TBC1D22A: variants seen among roughly 807,000 people sequenced by gnomAD.
The protein encoded by TBC1D22A is TBC1 domain family member 22A.
In TBC1D22A, 38 loss-of-function variants were observed where a neutral mutation model predicts 60.2. The ratio of observed to expected loss-of-function variants is 0.63; its 90% CI spans 0.49 to 0.83. The LOEUF (loss-of-function observed/expected upper bound fraction) is 0.83. TBC1D22A is among the 40% of genes least tolerant of loss of function. TBC1D22A has a pLI of 0.00. For missense variants in TBC1D22A, 628 were observed against 701.0 expected (o/e 0.90, Z 1.18); for synonymous variants, 302 against 281.7 (o/e 1.07, Z -0.72).
intron 8 of TBC1D22A, among the ~76,000 whole-genome samples, chr22:46,925,496 T>G (rs1569519): frequency 0.78 from 118,104 of 152,180 alleles, 45,963 homozygotes; most frequent in Middle Eastern, 0.85. Context: ...AAATAATTAG[T>G]GTAATGGACT....
chr22:46,856,674 A>G (rs111560752), intron 4 of TBC1D22A, among the ~76,000 whole-genome samples: 12,457 of 152,268 alleles, frequency 0.082, 694 homozygotes, highest in Non-Finnish European at 0.12. Context: ...GATTAGTTGC[A>G]GTTTGCCTTT....
At chr22:47,127,986 C>CA (rs1209282890) in intron 12 of TBC1D22A, among the ~76,000 whole-genome samples, 1 of 117,664 alleles carries the variant, frequency 8.5e-6, no homozygotes, top group Non-Finnish European at 1.8e-5. Flanking sequence ...ACCCATCCCC[C>CA]CATCCTCCCT....
intron 12 of TBC1D22A, among the ~76,000 whole-genome samples, chr22:47,162,869 C>T (rs12169043): frequency 0.17 from 24,221 of 145,534 alleles, 2,905 homozygotes; most frequent in African/African-American, 0.3. Flanking sequence ...GGCACTTCCT[C>T]GTGGTCTTGA....
chr22:46,957,616 A>C (rs2073272371), intron 8 of TBC1D22A, among the ~76,000 whole-genome samples: 1 of 152,190 alleles, frequency 6.6e-6, no homozygotes, highest in South Asian at 2.1e-4. Flanking sequence ...ACAGAACCAA[A>C]CCGTATCAAG....
chr22:47,097,075 G>A (rs2065210909), intron 11 of TBC1D22A, among the ~76,000 whole-genome samples: 1 of 152,040 alleles, frequency 6.6e-6, no homozygotes, highest in Non-Finnish European at 1.5e-5. Flanking sequence ...ATGGCCACGT[G>A]GCCTCCACAT....
chr22:47,040,977 C>T (rs988575233), intron 11 of TBC1D22A, among the ~76,000 whole-genome samples: 2 of 152,154 alleles, frequency 1.3e-5, no homozygotes, highest in African/African-American at 4.8e-5. Context: ...CGGTTACTTA[C>T]GCTGCTTTAG....
chr22:46,778,697 G>A (rs1218794162), intron 1 of TBC1D22A, among the ~76,000 whole-genome samples: 1 of 152,058 alleles, frequency 6.6e-6, no homozygotes, highest in Non-Finnish European at 1.5e-5. Context: ...AGCTTTTATT[G>A]TATTTTGTTT....
At position 46,990,259 on chromosome 22, in the gene TBC1D22A, C is replaced by T. The variant is rs949347712; in HGVS notation, c.1126-7375C>T. On this transcript the variant is annotated intron_variant, in intron 9 of 12. Transcript: ENST00000337137. The surrounding 1 kb of genome is among the most constrained non-coding windows in gnomAD (Gnocchi z 4.6). ...CGGTTGGGGTTTAGGTTGCCATTTTCCTATTTACTTTCATCTTTTCTTATT... is the reference window on the plus strand; with the variant it reads ...CGGTTGGGGTTTAGGTTGCCATTTTTCTATTTACTTTCATCTTTTCTTATT... Among the ~76,000 whole-genome samples, 3 of 152,140 alleles carry T rather than the reference C, an allele frequency of 2.0e-5. No homozygotes were observed. Among genetic ancestry groups the T allele is most frequent in the African/African-American group, 7.2e-5 (3 of 41,422 alleles).
At chr22:47,101,136 G>A (rs1015073349) in intron 11 of TBC1D22A, among the ~76,000 whole-genome samples, 1 of 152,176 alleles carries the variant, frequency 6.6e-6, no homozygotes, top group African/African-American at 2.4e-5. Context: ...GATTAAGAGA[G>A]GGGAATATTG....
chr22:47,085,257 G>T (rs532415653), intron 11 of TBC1D22A, among the ~76,000 whole-genome samples: 1 of 152,212 alleles, frequency 6.6e-6, no homozygotes. Context: ...TTTAGCCTGG[G>T]TGATAGAGCA....
At chr22:47,108,970 C>T (rs2065743708) in intron 11 of TBC1D22A, among the ~76,000 whole-genome samples, 1 of 152,240 alleles carries the variant, frequency 6.6e-6, no homozygotes, top group Non-Finnish European at 1.5e-5. Context: ...GCTGGAATTA[C>T]AGGCGTGAGC....
intron 11 of TBC1D22A, among the ~76,000 whole-genome samples, chr22:47,070,248 C>T (rs1288550340): frequency 2.7e-5 from 4 of 147,770 alleles, no homozygotes; most frequent in Middle Eastern, 3.7e-3. Flanking sequence ...CGGTTCCAGG[C>T]TGTTCCCTGT....
At chr22:46,809,710 G>T (rs1264771845) in intron 4 of TBC1D22A, among the ~76,000 whole-genome samples, 1 of 152,110 alleles carries the variant, frequency 6.6e-6, no homozygotes, top group Non-Finnish European at 1.5e-5. Flanking sequence ...GTAGAATGGG[G>T]TAATGTCAGA....
chr22:46,962,277 C>CA, intron 8 of TBC1D22A, among the ~76,000 whole-genome samples: 1 of 152,284 alleles, frequency 6.6e-6, no homozygotes, highest in African/African-American at 2.4e-5. Flanking sequence ...TAAACTTTAC[C>CA]AGACAATAAA....
chr22:46,992,588 G>A (rs2074986284), intron 9 of TBC1D22A, among the ~76,000 whole-genome samples: 1 of 152,268 alleles, frequency 6.6e-6, no homozygotes, highest in African/African-American at 2.4e-5. Context: ...CCAGGCCTGC[G>A]TGTTTGACTC....
rs373731643 is a variant in TBC1D22A, at chr22:47,054,532, G to A, written c.1329+17334G>A. Among the ~76,000 whole-genome samples the A allele has an allele frequency of 3.2e-3, 492 of 152,298 alleles. 2 individuals are homozygous for A. The highest frequency in any genetic ancestry group is 0.01 in the Middle Eastern group (3 of 294). ...TGCTTGGGCGCCTTTCTGTGGCCTCGCCATGTCCATCTGCTGGTGCGGCCA... is the reference window on the plus strand; with the variant it reads ...TGCTTGGGCGCCTTTCTGTGGCCTCACCATGTCCATCTGCTGGTGCGGCCA... On this transcript the variant is annotated intron_variant, in intron 11 of 12. Transcript: ENST00000337137.
chr22:46,955,933 G>C (rs2073163356), intron 8 of TBC1D22A, among the ~76,000 whole-genome samples: 1 of 152,164 alleles, frequency 6.6e-6, no homozygotes. Flanking sequence ...GTTGAGGCTT[G>C]AACCAGCCCA....
chr22:47,118,101 C>A lies in TBC1D22A; in HGVS notation c.1425+6498C>A, dbSNP rs958783307. The stretch of plus-strand genomic sequence containing the variant: ...TGACACCACTGCACTCCAGCCGGGG[C>A]GACAGAGTGAGACTCCGTCTCAAAA... On this transcript the variant is annotated intron_variant, in intron 12 of 12. Coordinates refer to ENST00000337137, the MANE Select transcript of TBC1D22A (RefSeq NM_014346.5). 1.3e-5 allele frequency among the ~76,000 whole-genome samples: 2 copies of A among 151,704 alleles called. 1 individual carries two copies. The highest frequency in any genetic ancestry group is 4.2e-4 in the South Asian group (2 of 4,786).
intron 4 of TBC1D22A, among the ~76,000 whole-genome samples, chr22:46,828,519 G>A (rs1184974898): frequency 6.6e-6 from 1 of 152,222 alleles, no homozygotes; most frequent in Non-Finnish European, 1.5e-5. Context: ...CTCTGGCCTG[G>A]GCCGCTTTGG....
Sources: gnomAD v4.1 joint callset for allele counts (sites outside exome capture counted in the v4.1 genomes callset) on GRCh38, gnomAD v4.1.1 for gene constraint, Gnocchi (gnomAD v3.1) non-coding constraint, MANE v1.5 for transcripts, NCBI Gene and HGNC (gene_info 2026-07-23, HGNC 2026-07-21) for gene names.